DRAXIN: variants seen among roughly 807,000 people sequenced by gnomAD.
The protein encoded by DRAXIN is dorsal inhibitory axon guidance protein.
In DRAXIN, 27 loss-of-function variants were observed where a neutral mutation model predicts 33.9. The observed-to-expected ratio is 0.80, with a 90% CI of 0.59 to 1.10. DRAXIN has a LOEUF of 1.10. Ranked by LOEUF, DRAXIN falls within the 50% of genes least tolerant of loss-of-function variation. The pLI, the probability that DRAXIN is intolerant of heterozygous loss-of-function variation, is 0.00. For synonymous variants in DRAXIN, 178 were observed against 194.0 expected (o/e 0.92, Z 0.69); for missense variants, 371 against 460.8 (o/e 0.81, Z 1.78).
At chr1:11,710,710 C>T (rs1212410082) in intron 3 of DRAXIN, among the ~76,000 whole-genome samples, 18 of 143,618 alleles carry the variant, frequency 1.3e-4, no homozygotes, top group Admixed American at 7.1e-4. Context: ...GTCAGGAAAT[C>T]GAGACCATCC....
intron 1 of DRAXIN, among the ~76,000 whole-genome samples, chr1:11,697,732 G>A (rs1641213308): frequency 6.6e-6 from 1 of 152,132 alleles, no homozygotes; most frequent in Non-Finnish European, 1.5e-5. Context: ...ACTCTCCCCT[G>A]CGATCTCCAT....
chr1:11,699,124 T>G (rs1641234370), intron 1 of DRAXIN, among the ~76,000 whole-genome samples: 1 of 152,124 alleles, frequency 6.6e-6, no homozygotes, highest in Non-Finnish European at 1.5e-5. Flanking sequence ...TCGTCATAGA[T>G]CATAAATTCT....
At chr1:11,697,559 T>TTCCC (rs1641211413) in intron 1 of DRAXIN, among the ~76,000 whole-genome samples, 1 of 152,220 alleles carries the variant, frequency 6.6e-6, no homozygotes, top group South Asian at 2.1e-4. Context: ...CATGACCTGG[T>TTCCC]TCCCTCCTAT....
At chr1:11,693,389 C>G (rs956658030) in intron 1 of DRAXIN, among the ~76,000 whole-genome samples, 11 of 152,036 alleles carry the variant, frequency 7.2e-5, no homozygotes, top group Admixed American at 2.6e-4. Flanking sequence ...TTGCTGGCTC[C>G]TGGACCTGCT....
chr1:11,712,387 G>A lies in DRAXIN; in HGVS notation c.805G>A (p.Ala269Thr). The change falls in exon 5 of 7, where the codon GCC becomes ACC. Residue 269 changes from alanine to threonine, a missense_variant. By Grantham distance (58) the Ala-to-Thr change is moderately conservative. Transcript: ENST00000294485. ...CAGTGATGGTAACGAAACATCACCA[G>A]CCGAAGGGGAACCATGCGACCATCA... ...LSSDGNETSPAEGEPCDHHQD... is the reference protein window; with the variant it reads ...LSSDGNETSPTEGEPCDHHQD... 6.2e-7 allele frequency: 1 copy of A among 1,614,094 alleles called. No homozygotes were observed. Among genetic ancestry groups the A allele is most frequent in the Non-Finnish European group, 8.5e-7 (1 of 1,180,004 alleles).
chr1:11,697,919 G>A (rs1641215898), intron 1 of DRAXIN, among the ~76,000 whole-genome samples: 1 of 152,150 alleles, frequency 6.6e-6, no homozygotes, highest in African/African-American at 2.4e-5. Flanking sequence ...GCAGGGAGAT[G>A]GGTAGGGACT....
At chr1:11,698,923 T>C (rs989450256) in intron 1 of DRAXIN, among the ~76,000 whole-genome samples, 1 of 152,208 alleles carries the variant, frequency 6.6e-6, no homozygotes, top group African/African-American at 2.4e-5. Context: ...AGATGATTCC[T>C]GCATTCAACA....
chr1:11,699,823 A>G (rs1241794352), intron 1 of DRAXIN, among the ~76,000 whole-genome samples: 1 of 152,096 alleles, frequency 6.6e-6, no homozygotes, highest in Non-Finnish European at 1.5e-5. Flanking sequence ...GCTACTCGGG[A>G]GGCTAAGGCA....
intron 3 of DRAXIN, 106 bp downstream of exon 3, chr1:11,709,571 C>G: frequency 7.6e-7 from 1 of 1,313,090 alleles, no homozygotes; most frequent in Non-Finnish European, 1.0e-6. Flanking sequence ...GGCAGGAGGC[C>G]ACAGAGCTTA....
Position 11,705,767 on chromosome 1 carries a change from GT to G in DRAXIN, c.-10-481del, listed in dbSNP as rs1641367884. Among the ~76,000 whole-genome samples the G allele has an allele frequency of 2.6e-5, 4 of 152,170 alleles. No homozygotes were observed. The South Asian group carries it at 8.3e-4, about 32-fold the overall frequency. ...ACTTAACGTGGGTCCTGCCTACAGC[GT>G]GCGCTCAAACGCTATTATTCCATTT... On this transcript the variant is annotated intron_variant, in intron 1 of 6. Coordinates refer to ENST00000294485, the MANE Select transcript of DRAXIN (RefSeq NM_198545.4). The surrounding 1 kb of genome is among the most constrained non-coding windows in gnomAD (Gnocchi z 4.8).
rs774626418 is a variant in DRAXIN, at chr1:11,696,626, G to T, written c.-11+4773G>T. On this transcript the variant is annotated intron_variant, in intron 1 of 6. Transcript: ENST00000294485. This position sits in a 1 kb window ranked among gnomAD's most constrained non-coding sequence, Gnocchi z 4.7. ...AAAAAACACTTTGGGAGGCCAAAGC[G>T]AGCAGGTCACGAGGTCAAGAGATCG... Among the ~76,000 whole-genome samples, 7 of 151,610 alleles carry T rather than the reference G, an allele frequency of 4.6e-5. No homozygotes were observed. Among genetic ancestry groups the T allele is most frequent in the Non-Finnish European group, 1.0e-4 (7 of 67,908 alleles).
At position 11,706,684 on chromosome 1, in the gene DRAXIN, C is replaced by T. The variant is rs1427100290; in HGVS notation, c.426C>T (p.Arg142=). 4 of 1,590,830 alleles carry T rather than the reference C, an allele frequency of 2.5e-6. No individual in the cohort carries two copies. The highest frequency in any genetic ancestry group is 1.7e-5 in the Admixed American group (1 of 58,924). Residue 142 remains arginine (R), a synonymous_variant, in exon 2 of 7, where the codon CGC becomes CGT. Transcript: ENST00000294485. The surrounding 1 kb of genome is among the most constrained non-coding windows in gnomAD (Gnocchi z 5.5). ...TRKRSREHKR[R]RDRLRLHQGR... ...AACGCAGCAGGGAGCACAAGAGACG[C>T]AGGGACAGGTTGAGGCTGCACCAAG...
intron 6 of DRAXIN, among the ~76,000 whole-genome samples, chr1:11,719,372 C>T (rs561325499): frequency 3.8e-4 from 58 of 152,366 alleles, no homozygotes; most frequent in Non-Finnish European, 7.9e-4. Flanking sequence ...GCCCCGACCG[C>T]CCTGAGTCTT....
rs147111106 is a variant in DRAXIN, at chr1:11,712,917, A to T, written c.847+488A>T. Among the ~76,000 whole-genome samples, 79 of 141,514 alleles carry T rather than the reference A, an allele frequency of 5.6e-4. 2 individuals carry two copies. In the East Asian group the frequency reaches 0.017, roughly 30 times the overall value. 92.8% of individuals were successfully genotyped at this position (141,514 alleles called of 152,430 possible). The stretch of plus-strand genomic sequence containing the variant: ...AAACTCCATCTCAAAAAAAAAAAAT[A>T]CCCTGGGCATGGTGGCTCATGCCTG... On this transcript the variant is annotated intron_variant, in intron 5 of 6. Coordinates refer to ENST00000294485, the MANE Select transcript of DRAXIN (RefSeq NM_198545.4).
Position 11,704,341 on chromosome 1 carries a change from A to G in DRAXIN, c.-10-1908A>G, listed in dbSNP as rs1030900065. On this transcript the variant is annotated intron_variant, in intron 1 of 6. Transcript: ENST00000294485. This position sits in a 1 kb window ranked among gnomAD's most constrained non-coding sequence, Gnocchi z 4.6. The stretch of plus-strand genomic sequence containing the variant: ...CAGTCACAAGGAGAGCAGGGGGTGA[A>G]GTCTGGCAGTGGTCAGGCTAAATGC... Among the ~76,000 whole-genome samples the G allele has an allele frequency of 6.6e-6, 1 of 152,116 alleles. No homozygotes were observed. The highest frequency in any genetic ancestry group is 2.4e-5 in the African/African-American group (1 of 41,430).
chr1:11,701,457 G>C (rs1445953158), intron 1 of DRAXIN, among the ~76,000 whole-genome samples: 1 of 152,256 alleles, frequency 6.6e-6, no homozygotes, highest in Admixed American at 6.5e-5. Flanking sequence ...ATGAAAGAAA[G>C]AAACGCGGAA....
rs775215940 is a variant in DRAXIN at position 11,706,434 on chromosome 1, G to T, written c.176G>T (p.Arg59Leu). 2.4e-5 allele frequency: 39 copies of T among 1,611,542 alleles called. No individual in the cohort carries two copies. The highest frequency in any genetic ancestry group is 3.3e-5 in the Non-Finnish European group (39 of 1,179,414). Residue 59 changes from arginine (R) to leucine (L), a missense_variant, in exon 2 of 7, where the codon CGG (arginine) becomes CTG (leucine). Arg to Leu is a moderately radical substitution (Grantham distance 102). Transcript: ENST00000294485. This position sits in a 1 kb window ranked among gnomAD's most constrained non-coding sequence, Gnocchi z 5.5. ...ACGCCTCAGGCCAGCCACCACCGCC[G>T]GCGGGGCCCGGGCAAGAAGGAGTGG... Reference protein sequence around the residue: ...LWTPQASHHRRRGPGKKEWGP... With the variant: ...LWTPQASHHRLRGPGKKEWGP...
At chr1:11,711,547 G>T (rs548961648) in intron 3 of DRAXIN, among the ~76,000 whole-genome samples, 1 of 152,344 alleles carries the variant, frequency 6.6e-6, no homozygotes, top group Admixed American at 6.5e-5. Context: ...GGCAAGCAAG[G>T]TTGCCTTCCC....
rs925424560 is a variant in DRAXIN at position 11,696,577 on chromosome 1, A to C, written c.-11+4724A>C. Among the ~76,000 whole-genome samples the C allele has an allele frequency of 6.8e-6, 1 of 146,438 alleles. No homozygotes were observed. Among genetic ancestry groups the C allele is most frequent in the African/African-American group, 2.5e-5 (1 of 39,516 alleles). On this transcript the variant is annotated intron_variant, in intron 1 of 6. Transcript: ENST00000294485. The surrounding 1 kb of genome is among the most constrained non-coding windows in gnomAD (Gnocchi z 4.7). ...CTCCAGCCTGGGCAACAAGAGCAAA[A>C]ATCTGTCTCAAAAAAACCAAAACAA...
Sources: allele counts gnomAD v4.1 joint callset (sites outside exome capture counted in the v4.1 genomes callset), GRCh38; gene constraint gnomAD v4.1.1; non-coding constraint Gnocchi (gnomAD v3.1); transcripts MANE v1.5; gene names NCBI Gene and HGNC (gene_info 2026-07-23, HGNC 2026-07-21).